ZBTB7C: variants seen among roughly 807,000 people sequenced by gnomAD.
ZBTB7C encodes the protein zinc finger and BTB domain containing 7C, also known as zinc finger and BTB domain-containing protein 7C.
ZBTB7C carries 8 observed loss-of-function variants against 25.7 expected under a neutral mutation model. The observed-to-expected ratio is 0.31, with a 90% CI of 0.18 to 0.56. ZBTB7C has a LOEUF of 0.56. ZBTB7C is among the 20% of genes least tolerant of loss of function. ZBTB7C has a pLI of 0.91. For synonymous variants in ZBTB7C, 394 were observed against 369.0 expected (o/e 1.07, Z -0.78); for missense variants, 824 against 855.2 (o/e 0.96, Z 0.46).
chr18:48,098,175 G>A (rs2144595258), intron 3 of ZBTB7C, among the ~76,000 whole-genome samples: 1 of 152,270 alleles, frequency 6.6e-6, no homozygotes, highest in African/African-American at 2.4e-5. Flanking sequence ...CACTCTGACG[G>A]GGCCTTTTGA....
At chr18:48,255,795 C>T (rs1476553051) in intron 2 of ZBTB7C, among the ~76,000 whole-genome samples, 1 of 152,112 alleles carries the variant, frequency 6.6e-6, no homozygotes, top group African/African-American at 2.4e-5. Flanking sequence ...CAATTAACAT[C>T]TTTAAATCAG....
chr18:48,136,043 G>A (rs932752872), intron 3 of ZBTB7C, among the ~76,000 whole-genome samples: 1 of 152,214 alleles, frequency 6.6e-6, no homozygotes, highest in African/African-American at 2.4e-5. Flanking sequence ...AGAGCACGGC[G>A]TGGGGGACCC....
At chr18:48,215,439 A>G (rs1360930892) in intron 2 of ZBTB7C, among the ~76,000 whole-genome samples, 2 of 152,246 alleles carry the variant, frequency 1.3e-5, no homozygotes, top group Non-Finnish European at 2.9e-5. Flanking sequence ...TAAGACATCA[A>G]TCAATATATG....
chr18:48,091,930 A>T (rs1449134884), intron 3 of ZBTB7C, among the ~76,000 whole-genome samples: 3 of 151,844 alleles, frequency 2.0e-5, no homozygotes, highest in Non-Finnish European at 4.4e-5. Context: ...TTCACACCCA[A>T]CTCCTCCAGT....
At chr18:48,378,697 A>C (rs1347233667) in intron 1 of ZBTB7C, among the ~76,000 whole-genome samples, 29 of 152,186 alleles carry the variant, frequency 1.9e-4, no homozygotes. Flanking sequence ...AAAAAACTTA[A>C]AAAAAATTAC....
At chr18:48,295,349 T>C (rs2045357682) in intron 2 of ZBTB7C, among the ~76,000 whole-genome samples, 1 of 152,130 alleles carries the variant, frequency 6.6e-6, no homozygotes. Context: ...ACAGATGATG[T>C]TTCTAGCTTA....
intron 1 of ZBTB7C, among the ~76,000 whole-genome samples, chr18:48,392,631 C>A (rs1411298794): frequency 6.6e-6 from 1 of 152,144 alleles, no homozygotes; most frequent in Non-Finnish European, 1.5e-5. Context: ...GCAGTTTTTC[C>A]AGCTTTTACC....
chr18:48,377,944 G>A (rs1385627971), intron 1 of ZBTB7C, among the ~76,000 whole-genome samples: 1 of 152,160 alleles, frequency 6.6e-6, no homozygotes, highest in East Asian at 1.9e-4. Flanking sequence ...GGCCGAGGTG[G>A]GCAGATCACC....
chr18:48,255,558 G>C (rs996212163), intron 2 of ZBTB7C, among the ~76,000 whole-genome samples: 1 of 152,132 alleles, frequency 6.6e-6, no homozygotes, highest in East Asian at 1.9e-4. Context: ...AGATATAATA[G>C]TCAAATCTCT....
At chr18:48,196,357 C>T (rs561504732) in intron 2 of ZBTB7C, among the ~76,000 whole-genome samples, 2 of 152,276 alleles carry the variant, frequency 1.3e-5, no homozygotes, top group African/African-American at 4.8e-5. Context: ...AAGGATTTGG[C>T]AAACTAACTT....
intron 1 of ZBTB7C, among the ~76,000 whole-genome samples, chr18:48,358,215 G>C (rs2047021286): frequency 6.6e-6 from 1 of 152,154 alleles, no homozygotes; most frequent in Non-Finnish European, 1.5e-5. Context: ...AGCCAGACAT[G>C]GTGGCGGGCA....
intron 2 of ZBTB7C, among the ~76,000 whole-genome samples, chr18:48,238,491 T>C (rs990492778): frequency 6.6e-6 from 1 of 152,226 alleles, no homozygotes; most frequent in African/African-American, 2.4e-5. Flanking sequence ...AGTCTGCCTC[T>C]GAACACACAT....
At chr18:48,360,275 G>A (rs573380420) in intron 1 of ZBTB7C, among the ~76,000 whole-genome samples, 2 of 152,218 alleles carry the variant, frequency 1.3e-5, no homozygotes, top group Non-Finnish European at 2.9e-5. Context: ...GAGAAAATGC[G>A]TAACCGAACT....
chr18:48,365,874 A>C (rs575224224), intron 1 of ZBTB7C, among the ~76,000 whole-genome samples: 16 of 152,226 alleles, frequency 1.1e-4, no homozygotes, highest in Non-Finnish European at 2.2e-4. Context: ...AACAGGGATA[A>C]GGGAGAAGAT....
At chr18:48,262,386 C>T (rs889635471) in intron 2 of ZBTB7C, among the ~76,000 whole-genome samples, 19 of 152,192 alleles carry the variant, frequency 1.2e-4, no homozygotes, top group African/African-American at 4.6e-4. Context: ...ACCCTGTGGT[C>T]CTGCCCTGCT....
rs187168490 is a variant in ZBTB7C, at chr18:48,193,779, C to T, written c.-78-7784G>A. ...GGAGTCATCTCTGAGCATCCTGCCT[C>T]GTCAGTGTGGAGACAGAAGCAGAAT... On this transcript the variant is annotated intron_variant, in intron 2 of 4. Coordinates refer to ENST00000590800, the MANE Select transcript of ZBTB7C (RefSeq NM_001318841.2). Among the ~76,000 whole-genome samples, 167 of 152,330 alleles carry T rather than the reference C, an allele frequency of 1.1e-3. 1 individual carries two copies. Among genetic ancestry groups the T allele is most frequent in the South Asian group, 1.0e-3 (5 of 4,820 alleles).
chr18:48,062,695 T>C (rs191075853), intron 3 of ZBTB7C, among the ~76,000 whole-genome samples: 1 of 152,280 alleles, frequency 6.6e-6, no homozygotes, highest in East Asian at 1.9e-4. Flanking sequence ...TCTGAGAGCA[T>C]CCAAAGGCTA....
chr18:48,349,146 T>A (rs1489168), intron 1 of ZBTB7C, among the ~76,000 whole-genome samples: 52,121 of 152,082 alleles, frequency 0.34, 10,442 homozygotes, highest in East Asian at 0.87. Context: ...ATTAGCAGCT[T>A]GCTCAGTGGC....
intron 3 of ZBTB7C, among the ~76,000 whole-genome samples, chr18:48,135,430 T>C (rs1355785117): frequency 1.3e-5 from 2 of 152,224 alleles, no homozygotes; most frequent in Non-Finnish European, 1.5e-5. Context: ...CTGCCTCTGC[T>C]ACTACCTGGA....
Sources: allele counts gnomAD v4.1 joint callset (sites outside exome capture counted in the v4.1 genomes callset), GRCh38; gene constraint gnomAD v4.1.1; transcripts MANE v1.5; gene names NCBI Gene and HGNC (gene_info 2026-07-23, HGNC 2026-07-21).